Variants in C16orf96 observed in about 807,000 individuals in gnomAD.
C16orf96 encodes chromosome 16 open reading frame 96, also known as uncharacterized protein C16orf96.
C16orf96 carries 108 observed loss-of-function variants against 103.6 expected under a neutral mutation model. The observed-to-expected ratio is 1.04, with a 90% CI of 0.89 to 1.22. C16orf96 has a LOEUF of 1.22. Ranked by LOEUF, C16orf96 falls within the 50% of genes most tolerant of loss-of-function variation. The pLI, the probability that C16orf96 is intolerant of heterozygous loss-of-function variation, is 0.00. For synonymous variants in C16orf96, 566 were observed against 593.5 expected, an observed-to-expected ratio of 0.95 and a Z score of 0.67; for missense variants, 1,586 against 1,464.2, an observed-to-expected ratio of 1.08 and a Z score of -1.36.
At chr16:4,596,719 C>G (rs553253343) in intron 14 of C16orf96, among the ~76,000 whole-genome samples, 6 of 151,978 alleles carry the variant, frequency 3.9e-5, no homozygotes, top group South Asian at 2.1e-4. Flanking sequence ...CAGAACAGAA[C>G]AAAACCAAAC....
the C16orf96 span, among the ~76,000 whole-genome samples, chr16:4,546,476 T>TTTTTTTTG: frequency 2.7e-5 from 4 of 149,216 alleles, no homozygotes; most frequent in Admixed American, 2.7e-4. Context: ...TTTTTTTTTT[T>TTTTTTTTG]TTTAAGACAC....
At chr16:4,597,888 T>C (rs1897206996) in intron 14 of C16orf96, among the ~76,000 whole-genome samples, 1 of 152,022 alleles carries the variant, frequency 6.6e-6, no homozygotes, top group African/African-American at 2.4e-5. Flanking sequence ...ATATATTACA[T>C]TGAAATTGTG....
At chr16:4,551,398 C>A (rs190117542), upstream of C16orf96, among the ~76,000 whole-genome samples, 609 of 152,326 alleles carry the variant, frequency 4.0e-3, 3 homozygotes, top group Middle Eastern at 0.014. Context: ...CCAAGGATAA[C>A]CACTCGCCTC....
At chr16:4,539,795 T>A in the C16orf96 span, among the ~76,000 whole-genome samples, 2 of 152,150 alleles carry the variant, frequency 1.3e-5, no homozygotes, top group Admixed American at 6.6e-5. Context: ...TTGTAAAACC[T>A]AAGATTGGTA....
rs1047950377 is a variant in C16orf96, at chr16:4,593,353, G to T, written c.2867+37G>T. On this transcript the variant is annotated intron_variant, in intron 12 of 15. Transcript: ENST00000444310. This position sits in a 1 kb window ranked among gnomAD's most constrained non-coding sequence, Gnocchi z 4.2. The stretch of plus-strand genomic sequence containing the variant: ...GGGCGCCCCGCAGGGAGGCCGCCCC[G>T]CATGGAGGCCACTCTGGAGCCTGGG... 1 of 1,523,774 alleles carries T rather than the reference G, an allele frequency of 6.6e-7. No individual in the cohort carries two copies. Among genetic ancestry groups the T allele is most frequent in the Non-Finnish European group, 8.9e-7 (1 of 1,125,700 alleles). 94.4% of individuals were successfully genotyped at this position (1,523,774 alleles called of 1,614,324 possible).
intron 1 of C16orf96, among the ~76,000 whole-genome samples, chr16:4,569,699 CAAA>C (rs5815209): frequency 7.7e-5 from 10 of 129,418 alleles, no homozygotes; most frequent in Non-Finnish European, 1.3e-4. Flanking sequence ...GACTCTGTCT[CAAA>C]AAAAAAAAAA....
chr16:4,546,444 C>T, the C16orf96 span, among the ~76,000 whole-genome samples: 2 of 150,058 alleles, frequency 1.3e-5, no homozygotes, highest in South Asian at 2.1e-4. Context: ...AGGCGGGAGC[C>T]ACCGCGCCCG....
chr16:4,575,016 C>G lies in C16orf96; in HGVS notation c.651C>G (p.Asp217Glu). Residue 217 changes from aspartate (D) to glutamate (E), a missense_variant, in exon 4 of 16, where the codon GAC (aspartate) becomes GAG (glutamate). Coordinates refer to ENST00000444310, the MANE Select transcript of C16orf96 (RefSeq NM_001145011.2). The stretch of plus-strand genomic sequence containing the variant: ...TTAAAACCATCCCCAAAACCGAGGA[C>G]ATGGTGCTCTGGAGTGGCCTTCATG... ...NKFKTIPKTE[D>E]MVLWSGLHDA... 1 of 1,551,538 alleles carries G rather than the reference C, an allele frequency of 6.4e-7. No homozygotes were observed. Among genetic ancestry groups the G allele is most frequent in the South Asian group, 1.2e-5 (1 of 84,068 alleles).
chr16:4,594,378 C>T lies in C16orf96; in HGVS notation c.2895C>T (p.Asp965=). The change falls in exon 13 of 16, where the codon GAC becomes GAT. Residue 965 remains aspartate, a synonymous_variant. Transcript: ENST00000444310. ...AACAGCAGTGGCTGCAGCTCCAGGA[C>T]CTCGGTATCCAGGAGGATTGTCAGC... ...MREQQWLQLQ[D]LGIQEDCQQD... The T allele has an allele frequency of 6.5e-7, 1 of 1,549,552 alleles. No homozygotes were observed. Among genetic ancestry groups the T allele is most frequent in the Non-Finnish European group, 8.7e-7 (1 of 1,146,860 alleles).
At chr16:4,542,855 G>A in the C16orf96 span, among the ~76,000 whole-genome samples, 54 of 152,276 alleles carry the variant, frequency 3.5e-4, no homozygotes, top group South Asian at 8.9e-3. Flanking sequence ...TTGAAATGCA[G>A]TGTGTACTTT....
chr16:4,546,279 C>T, the C16orf96 span, among the ~76,000 whole-genome samples: 26 of 151,778 alleles, frequency 1.7e-4, no homozygotes, highest in East Asian at 3.9e-4. Context: ...CTGCCTCAGC[C>T]TCCCGAGTAG....
chr16:4,568,629 A>ATTTTT (rs34974380), intron 1 of C16orf96, among the ~76,000 whole-genome samples: 1 of 125,568 alleles, frequency 8.0e-6, no homozygotes, highest in Admixed American at 8.6e-5. Flanking sequence ...TTTCTTTTTA[A>ATTTTT]TTTTTTTTTT....
At chr16:4,542,610 A>G in the C16orf96 span, among the ~76,000 whole-genome samples, 1 of 152,076 alleles carries the variant, frequency 6.6e-6, no homozygotes, top group African/African-American at 2.4e-5. Flanking sequence ...CAGCCTGGCC[A>G]ATATAGTGAA....
At position 4,576,465 on chromosome 16, in the gene C16orf96, C is replaced by T. The variant is rs1180533213; in HGVS notation, c.1985C>T (p.Ala662Val). The T allele has an allele frequency of 1.9e-6, 3 of 1,551,352 alleles. No individual in the cohort carries two copies. The highest frequency in any genetic ancestry group is 2.0e-5 in the Admixed American group (1 of 50,980). Residue 662 changes from alanine to valine, a missense_variant, in exon 5 of 16, where the codon GCC (alanine) becomes GTC (valine). Physicochemically the swap from Ala to Val is moderately conservative, Grantham distance 64. Coordinates refer to ENST00000444310, the MANE Select transcript of C16orf96 (RefSeq NM_001145011.2). ...GCTGCCAGCATCGGTCCCGATCCAG[C>T]CCTGTCCCAGGCCATGGTGGCTACC... Reference protein sequence around the residue: ...YSAASIGPDPALSQAMVATKQ... With the variant: ...YSAASIGPDPVLSQAMVATKQ...
Position 4,594,812 on chromosome 16 carries a change from C to G in C16orf96, c.3127+9C>G. On this transcript the variant is annotated intron_variant, in intron 14 of 15. Transcript: ENST00000444310. ...CGCAAAGGAGCTGGCAGGTGAGGGGCGTAGGGCTCCCTGGGGCACCCTTGC... is the reference window on the plus strand; with the variant it reads ...CGCAAAGGAGCTGGCAGGTGAGGGGGGTAGGGCTCCCTGGGGCACCCTTGC... 1.3e-6 allele frequency: 2 copies of G among 1,549,276 alleles called. No individual in the cohort carries two copies. Among genetic ancestry groups the G allele is most frequent in the Non-Finnish European group, 1.7e-6 (2 of 1,146,582 alleles).
rs1021894811 is a variant in C16orf96 at position 4,575,411 on chromosome 16, G to A, written c.931G>A (p.Ala311Thr). 28 of 1,550,128 alleles carry A rather than the reference G, an allele frequency of 1.8e-5. No homozygotes were observed. The highest frequency in any genetic ancestry group is 7.0e-6 in the Non-Finnish European group (8 of 1,146,866). ...SRAQEPAQPP[A>T]LTPESAPGCT... ...AGCCCAGGAGCCAGCGCAGCCTCCG[G>A]CCCTCACGCCTGAGTCTGCACCTGG... Residue 311 changes from alanine (A) to threonine (T), a missense_variant, in exon 5 of 16, where the codon GCC (alanine) becomes ACC (threonine). Transcript: ENST00000444310.
In C16orf96 at chr16:4,578,961, G is replaced by C. The variant is rs776669335; in HGVS notation, c.2177G>C (p.Ser726Thr). The change falls in exon 6 of 16, where the codon AGC (serine) becomes ACC (threonine). Residue 726 changes from serine (S) to threonine (T), a missense_variant. Ser to Thr is a moderately conservative substitution (Grantham distance 58, BLOSUM62 1). Transcript: ENST00000444310. ...SYLANMGGPS[S>T]LGTTVDILQK... is the part of the protein sequence containing the mutation. ...TCAGCCAATATGGGAGGTCCTTCCA[G>C]CCTCGGGACAACAGTGGACATATTG... 3 of 1,551,256 alleles carry C rather than the reference G, an allele frequency of 1.9e-6. No homozygotes were observed. In the African/African-American group the frequency reaches 4.1e-5, roughly 21 times the overall value.
At chr16:4,543,362 A>G in the C16orf96 span, among the ~76,000 whole-genome samples, 2 of 152,186 alleles carry the variant, frequency 1.3e-5, no homozygotes, top group African/African-American at 4.8e-5. Context: ...GGGTGAGGAA[A>G]CATGAGGGCC....
the C16orf96 span, among the ~76,000 whole-genome samples, chr16:4,543,203 G>C: frequency 6.6e-6 from 1 of 152,166 alleles, no homozygotes; most frequent in Non-Finnish European, 1.5e-5. Flanking sequence ...AGGATGTGTA[G>C]GATTCCCCAG....
Sources: gnomAD v4.1 joint callset for allele counts (sites outside exome capture counted in the v4.1 genomes callset) on GRCh38, gnomAD v4.1.1 for gene constraint, Gnocchi (gnomAD v3.1) non-coding constraint, MANE v1.5 for transcripts, NCBI Gene and HGNC (gene_info 2026-07-23, HGNC 2026-07-21) for gene names.